HIVEP1: variants seen among roughly 807,000 people sequenced by gnomAD.
HIVEP1 encodes the protein HIVEP zinc finger 1, also known as zinc finger protein 40.
HIVEP1 carries 36 observed loss-of-function variants against 180.0 expected under a neutral mutation model. That is an observed-to-expected ratio of 0.20 (90% CI 0.15 to 0.26). HIVEP1 has a LOEUF of 0.26. Among genes scored for constraint, HIVEP1 ranks in the 10% least tolerant of loss-of-function variants. The probability of loss-of-function intolerance (pLI) is 1.00; values close to 1 mark genes in which losing one functional copy is unlikely to be tolerated. For synonymous variants in HIVEP1, 1,239 were observed against 1,239.0 expected (o/e 1.00, Z 0.00); for missense variants, 3,143 against 3,268.7 (o/e 0.96, Z 0.94).
In HIVEP1 at chr6:12,121,675, A is replaced by G. The variant is rs752139266; in HGVS notation, c.1880A>G (p.Asp627Gly). The G allele has an allele frequency of 1.2e-6, 2 of 1,614,078 alleles. No individual in the cohort carries two copies. The highest frequency in any genetic ancestry group is 1.3e-5 in the African/African-American group (1 of 74,922). Residue 627 changes from aspartate to glycine, a missense_variant, in exon 4 of 9, where the codon GAC (aspartate) becomes GGC (glycine). Asp to Gly is a moderately conservative substitution (Grantham distance 94). Coordinates refer to ENST00000379388, the MANE Select transcript of HIVEP1 (RefSeq NM_002114.4). The surrounding 1 kb of genome is among the most constrained non-coding windows in gnomAD (Gnocchi z 5.3). ...AATGAGAATTCCCACCAGAAAGGCGACATGAATCCACTGGAAGGAAAGCAA... is the reference window on the plus strand; with the variant it reads ...AATGAGAATTCCCACCAGAAAGGCGGCATGAATCCACTGGAAGGAAAGCAA... ...ETNENSHQKG[D>G]MNPLEGKQDS...
At chr6:12,134,993 G>A (rs556714970) in intron 6 of HIVEP1, among the ~76,000 whole-genome samples, 14 of 152,036 alleles carry the variant, frequency 9.2e-5, no homozygotes, top group Admixed American at 4.6e-4. Context: ...GAATTCCAAG[G>A]TACCAGAAAA....
chr6:12,108,022 C>T (rs1774566494), intron 3 of HIVEP1, among the ~76,000 whole-genome samples: 1 of 152,154 alleles, frequency 6.6e-6, no homozygotes, highest in South Asian at 2.1e-4. Flanking sequence ...CATTCACAAA[C>T]CCTGAGCTAG....
chr6:12,080,355 A>G (rs1343868502), intron 2 of HIVEP1, among the ~76,000 whole-genome samples: 4 of 151,308 alleles, frequency 2.6e-5, no homozygotes, highest in Non-Finnish European at 3.0e-5. Flanking sequence ...GGGTAAAAAC[A>G]TATTTAGTAT....
chr6:12,202,162 T>C, the HIVEP1 span, among the ~76,000 whole-genome samples: 1 of 152,102 alleles, frequency 6.6e-6, no homozygotes, highest in Non-Finnish European at 1.5e-5. Context: ...TTATTTTATT[T>C]ATATATTTTT....
At position 12,091,903 on chromosome 6, in the gene HIVEP1, T is replaced by C; in HGVS notation, c.94+2666T>C. Among the ~76,000 whole-genome samples, 2 of 152,150 alleles carry C rather than the reference T, an allele frequency of 1.3e-5. 1 individual carries two copies. The highest frequency in any genetic ancestry group is 3.9e-4 in the East Asian group (2 of 5,190). On this transcript the variant is annotated intron_variant, in intron 3 of 8. Coordinates refer to ENST00000379388, the MANE Select transcript of HIVEP1 (RefSeq NM_002114.4). ...TGGGATTTAAATGAAATAGTGACTG[T>C]CACAGATGTGGTAATGGAATATGAA...
chr6:12,168,830 C>T (rs1046478271), downstream of HIVEP1, among the ~76,000 whole-genome samples: 1 of 151,754 alleles, frequency 6.6e-6, no homozygotes, highest in African/African-American at 2.4e-5. Flanking sequence ...TAAGTGAGCA[C>T]GTTTAAAGTA....
chr6:12,009,374 C>T (rs1767166868), upstream of HIVEP1, among the ~76,000 whole-genome samples: 1 of 152,174 alleles, frequency 6.6e-6, no homozygotes, highest in South Asian at 2.1e-4. Context: ...TGACACTATC[C>T]TCCCTCGAAC....
chr6:12,017,314 C>T (rs960099600), intron 2 of HIVEP1, among the ~76,000 whole-genome samples: 3 of 152,112 alleles, frequency 2.0e-5, no homozygotes, highest in South Asian at 2.1e-4. Context: ...TTAAAGGTAG[C>T]GTGTCCACAG....
intron 2 of HIVEP1, among the ~76,000 whole-genome samples, chr6:12,081,319 C>G: frequency 6.6e-6 from 1 of 152,128 alleles, no homozygotes; most frequent in East Asian, 1.9e-4. Context: ...ACTTGGTTGG[C>G]TCCTGCGTTC....
At chr6:12,186,680 A>G in the HIVEP1 span, among the ~76,000 whole-genome samples, 1 of 152,196 alleles carries the variant, frequency 6.6e-6, no homozygotes, top group Admixed American at 6.5e-5. Context: ...ACAAAATCCA[A>G]ACTCTCAGCA....
chr6:12,011,003 A>G (rs1195841946), upstream of HIVEP1, among the ~76,000 whole-genome samples: 1 of 152,114 alleles, frequency 6.6e-6, no homozygotes, highest in Non-Finnish European at 1.5e-5. Flanking sequence ...GCAGGGGTTA[A>G]TTGCGCTCGC....
Position 12,124,753 on chromosome 6 carries a change from C to G in HIVEP1, c.4958C>G (p.Thr1653Arg). 6.2e-7 allele frequency: 1 copy of G among 1,614,178 alleles called. No individual in the cohort carries two copies. The highest frequency in any genetic ancestry group is 8.5e-7 in the Non-Finnish European group (1 of 1,180,030). Residue 1653 changes from threonine to arginine, a missense_variant, in exon 4 of 9, where the codon ACA becomes AGA. Physicochemically the swap from Thr to Arg is moderately conservative, Grantham distance 71. This residue lies in a region of HIVEP1 where 1,357 missense variants were observed against 1,260.5 expected (regional missense o/e 1.08). Transcript: ENST00000379388. ...SVPAYCFATL[T>R]SLPQILVTQD... Reference sequence around the variant, plus strand: ...CCTGCTTACTGTTTTGCTACACTCACATCCCTGCCACAAATACTAGTGACC... The same window carrying G: ...CCTGCTTACTGTTTTGCTACACTCAGATCCCTGCCACAAATACTAGTGACC...
chr6:12,044,452 G>A (rs1226800267), intron 2 of HIVEP1, among the ~76,000 whole-genome samples: 3 of 151,894 alleles, frequency 2.0e-5, no homozygotes, highest in East Asian at 1.9e-4. Flanking sequence ...CCATCCTATC[G>A]CCCTGTTAAC....
At chr6:12,137,568 T>A (rs1475626586) in intron 7 of HIVEP1, among the ~76,000 whole-genome samples, 1 of 151,916 alleles carries the variant, frequency 6.6e-6, no homozygotes, top group African/African-American at 2.4e-5. Flanking sequence ...CCTTTCAGTT[T>A]ACTTTTTTTT....
chr6:12,201,917 G>A, the HIVEP1 span, among the ~76,000 whole-genome samples: 1 of 152,088 alleles, frequency 6.6e-6, no homozygotes, highest in Non-Finnish European at 1.5e-5. Context: ...ATTAAAATAA[G>A]CTTTTGCTGA....
At chr6:12,054,926 T>C (rs1770763505) in intron 2 of HIVEP1, among the ~76,000 whole-genome samples, 1 of 152,226 alleles carries the variant, frequency 6.6e-6, no homozygotes, top group Non-Finnish European at 1.5e-5. Flanking sequence ...TTACCTTTGT[T>C]AGCTTCAGTT....
At chr6:12,061,947 G>C (rs1257958850) in intron 2 of HIVEP1, among the ~76,000 whole-genome samples, 1 of 152,112 alleles carries the variant, frequency 6.6e-6, no homozygotes, top group Admixed American at 6.5e-5. Context: ...GATGAAATTT[G>C]AATGAGAGCC....
At chr6:12,050,692 G>A (rs1024280950) in intron 2 of HIVEP1, among the ~76,000 whole-genome samples, 9 of 152,118 alleles carry the variant, frequency 5.9e-5, no homozygotes, top group African/African-American at 1.9e-4. Flanking sequence ...ATTAGCTCTC[G>A]CAGTCGGGCC....
In HIVEP1 at chr6:12,121,490, C is replaced by G; in HGVS notation, c.1695C>G (p.Val565=). The G allele has an allele frequency of 6.2e-7, 1 of 1,614,168 alleles. No homozygotes were observed. Among genetic ancestry groups the G allele is most frequent in the South Asian group, 1.1e-5 (1 of 91,068 alleles). Reference sequence around the variant, plus strand: ...TGACAGAGTTACCGAAAGTTGTGGTCCACCATGTCACTGTGTCCCCCTTAA... The same window carrying G: ...TGACAGAGTTACCGAAAGTTGTGGTGCACCATGTCACTGTGTCCCCCTTAA... ...QAVTELPKVV[V]HHVTVSPLRT... The change falls in exon 4 of 9, where the codon GTC becomes GTG. Residue 565 remains valine (V), a synonymous_variant. Coordinates refer to ENST00000379388, the MANE Select transcript of HIVEP1 (RefSeq NM_002114.4). The surrounding 1 kb of genome is among the most constrained non-coding windows in gnomAD (Gnocchi z 5.3).
Sources: allele counts gnomAD v4.1 joint callset (sites outside exome capture counted in the v4.1 genomes callset), GRCh38; gene constraint gnomAD v4.1.1; regional missense constraint gnomAD v4.1.1; non-coding constraint Gnocchi (gnomAD v3.1); transcripts MANE v1.5; gene names NCBI Gene and HGNC (gene_info 2026-07-23, HGNC 2026-07-21).